SOS1: variants seen among roughly 807,000 people sequenced by gnomAD.
SOS1 encodes the protein SOS Ras/Rac guanine nucleotide exchange factor 1.
SOS1 carries 25 observed loss-of-function variants against 157.6 expected under a neutral mutation model. The ratio of observed to expected loss-of-function variants is 0.16; its 90% CI spans 0.12 to 0.22. The LOEUF (loss-of-function observed/expected upper bound fraction) is 0.22, where lower values mean the gene tolerates loss of function less well. Ranked by LOEUF, SOS1 falls within the 10% of genes least tolerant of loss-of-function variation. The pLI is 1.00. For missense variants in SOS1, 1,237 were observed against 1,599.1 expected (o/e 0.77, Z 3.86); for synonymous variants, 528 against 534.0 (o/e 0.99, Z 0.16).
At chr2:39,099,910 T>C (rs983063636) in intron 1 of SOS1, among the ~76,000 whole-genome samples, 1 of 151,846 alleles carries the variant, frequency 6.6e-6, no homozygotes, top group Non-Finnish European at 1.5e-5. Flanking sequence ...AGAGATGGGG[T>C]TTCCCCATTT....
intron 1 of SOS1, among the ~76,000 whole-genome samples, chr2:39,088,315 CT>C (rs528165293): frequency 1.4e-5 from 2 of 147,822 alleles, no homozygotes; most frequent in African/African-American, 2.5e-5. Context: ...AAGGAAGTGA[CT>C]TTTTTTTTCA....
chr2:39,099,305 T>C (rs1186664169), intron 1 of SOS1, among the ~76,000 whole-genome samples: 1 of 152,220 alleles, frequency 6.6e-6, no homozygotes, highest in African/African-American at 2.4e-5. Flanking sequence ...AAAATATGGA[T>C]GAACCTTGAA....
At chr2:39,102,277 CT>C (rs1672999183) in intron 1 of SOS1, among the ~76,000 whole-genome samples, 1 of 139,018 alleles carries the variant, frequency 7.2e-6, no homozygotes, top group African/African-American at 2.6e-5. Flanking sequence ...AAACCCAGCA[CT>C]TTGGGAGGCT....
intron 2 of SOS1, among the ~76,000 whole-genome samples, chr2:39,066,569 T>C (rs1314118788): frequency 6.6e-6 from 1 of 152,224 alleles, no homozygotes; most frequent in Non-Finnish European, 1.5e-5. Flanking sequence ...CCAAAGCATC[T>C]ATCAGTTGCC....
chr2:39,120,693 C>A lies in SOS1; in HGVS notation c.-271G>T, dbSNP rs1201981409. On this transcript the variant is annotated 5_prime_UTR_variant, in exon 1 of 23. Transcript: ENST00000402219. The stretch of plus-strand genomic sequence containing the variant: ...CGCACCACCGCCCCGGGGCCAGGCC[C>A]CCCGCCCCTCCCCGGCCCGCCGGCG... Among the ~76,000 whole-genome samples, 1 of 146,696 alleles carries A rather than the reference C, an allele frequency of 6.8e-6. No homozygotes were observed. Among genetic ancestry groups the A allele is most frequent in the Non-Finnish European group, 1.5e-5 (1 of 65,918 alleles).
chr2:39,095,983 G>C (rs1221475071), intron 1 of SOS1, among the ~76,000 whole-genome samples: 1 of 152,158 alleles, frequency 6.6e-6, no homozygotes, highest in Non-Finnish European at 1.5e-5. Context: ...TGTTTATGTG[G>C]AGCTATTTGG....
chr2:38,996,973 G>T lies in SOS1; in HGVS notation c.3030C>A (p.Phe1010Leu). ...SMEKEFTDYLFNKSLEIEPRN... is the reference protein window; with the variant it reads ...SMEKEFTDYLLNKSLEIEPRN... ...GTGGTTCTATTTCTAGGGATTTGTTGAAAAGATAATCTGTAAATTCCTTCT... is the reference window on the plus strand; with the variant it reads ...GTGGTTCTATTTCTAGGGATTTGTTTAAAAGATAATCTGTAAATTCCTTCT... Residue 1010 changes from phenylalanine to leucine, a missense_variant, in exon 19 of 23, where the codon TTC (phenylalanine) becomes TTA (leucine). Phe to Leu is a conservative substitution (Grantham distance 22). Transcript: ENST00000402219. 6.2e-7 allele frequency: 1 copy of T among 1,607,454 alleles called. No individual in the cohort carries two copies. The highest frequency in any genetic ancestry group is 8.5e-7 in the Non-Finnish European group (1 of 1,174,296).
intron 1 of SOS1, among the ~76,000 whole-genome samples, chr2:39,118,170 G>T (rs1380090924): frequency 3.9e-5 from 6 of 152,224 alleles, no homozygotes; most frequent in Non-Finnish European, 5.9e-5. Flanking sequence ...TGATTTGACA[G>T]TTCAGGTTGA....
At chr2:39,094,156 G>C (rs887024745) in intron 1 of SOS1, among the ~76,000 whole-genome samples, 4 of 151,842 alleles carry the variant, frequency 2.6e-5, no homozygotes, top group Non-Finnish European at 4.4e-5. Flanking sequence ...GTTTGTTTTG[G>C]AAAACAGTTT....
At chr2:38,988,394 C>T (rs938503213) in intron 21 of SOS1, among the ~76,000 whole-genome samples, 3 of 152,038 alleles carry the variant, frequency 2.0e-5, no homozygotes, top group African/African-American at 7.2e-5. Flanking sequence ...CATATAAATA[C>T]ACTTTGGAAA....
At position 39,077,656 on chromosome 2, in the gene SOS1, T is replaced by C. The variant is rs543663352; in HGVS notation, c.88-9903A>G. On this transcript the variant is annotated intron_variant, in intron 1 of 22. Transcript: ENST00000402219. ...TGCAGAAACAGAAAGACCACCGTAA[T>C]GGAGAGCTTGTATACAGATCTTGTA... Among the ~76,000 whole-genome samples, 15 of 152,186 alleles carry C rather than the reference T, an allele frequency of 9.9e-5. No homozygotes were observed. In the South Asian group the frequency reaches 2.9e-3, roughly 29 times the overall value.
chr2:39,052,960 C>G (rs1671072877), intron 5 of SOS1, among the ~76,000 whole-genome samples: 1 of 152,108 alleles, frequency 6.6e-6, no homozygotes, highest in African/African-American at 2.4e-5. Context: ...CGAGACCAGC[C>G]TGGTCAACAT....
chr2:39,019,825 T>C (rs1224165820), intron 10 of SOS1, among the ~76,000 whole-genome samples: 2 of 151,524 alleles, frequency 1.3e-5, no homozygotes, highest in Non-Finnish European at 3.0e-5. Flanking sequence ...AGCTTACCTA[T>C]ATCCTATTTC....
intron 2 of SOS1, among the ~76,000 whole-genome samples, chr2:39,063,999 A>C (rs879486894): frequency 6.6e-6 from 1 of 151,880 alleles, no homozygotes; most frequent in Non-Finnish European, 1.5e-5. Flanking sequence ...TGGCCAGCTA[A>C]TTTTTTGTAT....
intron 17 of SOS1, 133 bp from the exon 18 acceptor site, chr2:38,997,558 A>G (rs1668937313): frequency 1.0e-5 from 6 of 594,572 alleles, no homozygotes; most frequent in Non-Finnish European, 1.8e-5. Context: ...TCAGATTTCC[A>G]TGATATGAAA....
chr2:39,029,699 A>G (rs548917380), intron 8 of SOS1, among the ~76,000 whole-genome samples: 3 of 152,332 alleles, frequency 2.0e-5, no homozygotes, highest in African/African-American at 4.8e-5. Flanking sequence ...GAGTAATACA[A>G]TAGTTAGCTG....
intron 1 of SOS1, among the ~76,000 whole-genome samples, chr2:39,086,428 G>A (rs1215130397): frequency 6.6e-6 from 1 of 152,204 alleles, no homozygotes; most frequent in East Asian, 1.9e-4. Context: ...AAGAGATCAA[G>A]AGTTCTGGAC....
chr2:38,995,480 C>G, intron 19 of SOS1, 93 bp from the exon 20 acceptor site: 1 of 930,330 alleles, frequency 1.1e-6, no homozygotes, highest in Non-Finnish European at 1.8e-6. Flanking sequence ...AGCTAATATA[C>G]AGGAAAATCA....
intron 3 of SOS1, among the ~76,000 whole-genome samples, chr2:39,057,123 C>T (rs1671240446): frequency 6.6e-6 from 1 of 152,100 alleles, no homozygotes; most frequent in African/African-American, 2.4e-5. Context: ...AATAGATAAT[C>T]CCTAACCTAT....
Sources: allele counts gnomAD v4.1 joint callset (sites outside exome capture counted in the v4.1 genomes callset), GRCh38; gene constraint gnomAD v4.1.1; transcripts MANE v1.5; gene names NCBI Gene and HGNC (gene_info 2026-07-23, HGNC 2026-07-21).